LMO7: variants seen among roughly 807,000 people sequenced by gnomAD.
LMO7 encodes LIM domain only protein 7.
A neutral mutation model predicts 206.5 loss-of-function variants in LMO7; 120 were observed. That is an observed-to-expected ratio of 0.58 (90% CI 0.50 to 0.68). LMO7 has a LOEUF of 0.68. Among genes scored for constraint, LMO7 ranks in the 30% least tolerant of loss-of-function variants. The pLI is 0.00. For missense variants in LMO7, 1,959 were observed against 1,957.9 expected (o/e 1.00, Z -0.01); for synonymous variants, 706 against 681.5 (o/e 1.04, Z -0.56).
chr13:75,687,520 A>T (rs576805517), intron 1 of LMO7, among the ~76,000 whole-genome samples: 16 of 151,640 alleles, frequency 1.1e-4, no homozygotes, highest in African/African-American at 3.4e-4. Context: ...AATAAAATAC[A>T]TTTTTTTTCA....
intron 1 of LMO7, among the ~76,000 whole-genome samples, chr13:75,697,832 T>C: frequency 6.6e-6 from 1 of 152,222 alleles, no homozygotes; most frequent in South Asian, 2.1e-4. Context: ...TGTCAGTGTA[T>C]CTACTTTTGA....
chr13:75,698,900 G>T (rs191499118), intron 1 of LMO7, among the ~76,000 whole-genome samples: 4 of 152,104 alleles, frequency 2.6e-5, no homozygotes, highest in South Asian at 2.1e-4. Flanking sequence ...GAATTGCCGA[G>T]CCATCACCAC....
chr13:75,752,500 C>G (rs2047353891), intron 3 of LMO7, among the ~76,000 whole-genome samples: 1 of 152,184 alleles, frequency 6.6e-6, no homozygotes, highest in Non-Finnish European at 1.5e-5. Flanking sequence ...ATATATTACA[C>G]TGTGGTGAAG....
chr13:75,659,409 G>C (rs991170069), intron 1 of LMO7, among the ~76,000 whole-genome samples: 52 of 152,256 alleles, frequency 3.4e-4, no homozygotes, highest in South Asian at 1.2e-3. Context: ...AAACATACCC[G>C]AGACTGGGAA....
Position 75,707,703 on chromosome 13 carries a change from T to C in LMO7, c.70-5479T>C, listed in dbSNP as rs900694759. ...ATGCCAGATTGCCACGTCTTCAAAATATAAGCTATTATTTAAAACCTTTGT... is the reference window on the plus strand; with the variant it reads ...ATGCCAGATTGCCACGTCTTCAAAACATAAGCTATTATTTAAAACCTTTGT... On this transcript the variant is annotated intron_variant, in intron 1 of 30. Coordinates refer to ENST00000377534, the MANE Select transcript of LMO7 (RefSeq NM_001306080.2). 3.9e-5 allele frequency among the ~76,000 whole-genome samples: 6 copies of C among 152,164 alleles called. No homozygotes were observed. In the East Asian group the frequency reaches 5.8e-4, roughly 15 times the overall value.
rs145246784 is a variant in LMO7 at position 75,834,514 on chromosome 13, A to G, written c.3226+127A>G. On this transcript the variant is annotated intron_variant, in intron 17 of 30. Transcript: ENST00000377534. Reference sequence around the variant, plus strand: ...ATGTTTTGGCATTAAAGGTTTTTGTAGTTACGTCATGACAAATCTTGAACC... The same window carrying G: ...ATGTTTTGGCATTAAAGGTTTTTGTGGTTACGTCATGACAAATCTTGAACC... 25 of 676,756 alleles carry G rather than the reference A, an allele frequency of 3.7e-5. No homozygotes were observed. In the Middle Eastern group the frequency reaches 1.2e-3, roughly 32 times the overall value. 41.9% of individuals were successfully genotyped at this position (676,756 alleles called of 1,614,324 possible).
At chr13:75,821,726 A>G in intron 14 of LMO7, 117 bp downstream of exon 14, 1 of 640,414 alleles carries the variant, frequency 1.6e-6, no homozygotes, top group Non-Finnish European at 2.7e-6. Context: ...ATATATAAGG[A>G]CATTTTATTT....
chr13:75,798,200 A>G (rs1322602796), intron 6 of LMO7, among the ~76,000 whole-genome samples: 2 of 152,132 alleles, frequency 1.3e-5, no homozygotes, highest in Non-Finnish European at 2.9e-5. Context: ...GAGAAACCTC[A>G]TCTCTACTAA....
At chr13:75,836,103 T>C (rs1566580762) in intron 18 of LMO7, among the ~76,000 whole-genome samples, 1 of 151,892 alleles carries the variant, frequency 6.6e-6, no homozygotes, top group Non-Finnish European at 1.5e-5. Context: ...TGTGTACTCA[T>C]AAATATAAGC....
intron 2 of LMO7, among the ~76,000 whole-genome samples, chr13:75,715,150 G>T (rs2043431707): frequency 1.3e-5 from 2 of 152,166 alleles, no homozygotes; most frequent in African/African-American, 4.8e-5. Context: ...GTTTGAGAAT[G>T]ACTACCAGGT....
Position 75,807,483 on chromosome 13 carries a change from G to C in LMO7, c.1200G>C (p.Gln400His), listed in dbSNP as rs1356218451. 2.5e-6 allele frequency: 4 copies of C among 1,613,010 alleles called. No individual in the cohort carries two copies. The highest frequency in any genetic ancestry group is 2.2e-5 in the East Asian group (1 of 44,846). ...CTTTTTCCTCTCTGTGCATCAGTCA[G>C]TTTTTACTGCTTCAGGCCCTCCAAA... ...PWYKEFQGFS[Q>H]FLLLQALQTY... is the part of the protein sequence containing the mutation. The change falls in exon 10 of 31, where the codon CAG (glutamine) becomes CAC (histidine). Residue 400 changes from glutamine (Q) to histidine (H), a missense_variant. Physicochemically the swap from Gln to His is conservative, Grantham distance 24. Transcript: ENST00000377534.
At chr13:75,668,473 C>T (rs2039267016) in intron 1 of LMO7, among the ~76,000 whole-genome samples, 1 of 152,108 alleles carries the variant, frequency 6.6e-6, no homozygotes, top group South Asian at 2.1e-4. Flanking sequence ...GAACTCTGTC[C>T]TCTTATTTCT....
Position 75,834,400 on chromosome 13 carries a change from T to C in LMO7, c.3226+13T>C, listed in dbSNP as rs2058945332. ...TATGGAAAGGCTGGTGAGTTTGTGTTACCACCATGTCTGGCATTTGAAACT... is the reference window on the plus strand; with the variant it reads ...TATGGAAAGGCTGGTGAGTTTGTGTCACCACCATGTCTGGCATTTGAAACT... On this transcript the variant is annotated intron_variant, in intron 17 of 30. Transcript: ENST00000377534. 24 of 1,561,008 alleles carry C rather than the reference T, an allele frequency of 1.5e-5. No homozygotes were observed. The highest frequency in any genetic ancestry group is 2.1e-5 in the Non-Finnish European group (24 of 1,152,888).
At chr13:75,660,095 G>C (rs1038210504) in intron 1 of LMO7, among the ~76,000 whole-genome samples, 1 of 152,144 alleles carries the variant, frequency 6.6e-6, no homozygotes, top group Non-Finnish European at 1.5e-5. Flanking sequence ...TAATGTTCTT[G>C]TAAAACAACT....
At chr13:75,742,211 TAGATAAATC>T (rs1453614713) in intron 3 of LMO7, among the ~76,000 whole-genome samples, 1 of 151,870 alleles carries the variant, frequency 6.6e-6, no homozygotes, top group African/African-American at 2.4e-5. Context: ...AAACACTGCT[TAGATAAATC>T]AGAGAAATCA....
chr13:75,855,381 C>G lies in LMO7; in HGVS notation c.4770+13C>G, dbSNP rs141808659. 2,876 of 1,561,022 alleles carry G rather than the reference C, an allele frequency of 1.8e-3. 59 individuals carry two copies. The Admixed American group carries it at 0.039, about 21-fold the overall frequency. ...GCATTGTTTTAAGGTGAGACTGAGA[C>G]AAACAGCTTGCAGGCCTGCAAAGCT... On this transcript the variant is annotated intron_variant, in intron 29 of 30. Transcript: ENST00000377534.
chr13:75,729,806 A>G (rs1365824336), intron 3 of LMO7, among the ~76,000 whole-genome samples: 1 of 150,550 alleles, frequency 6.6e-6, no homozygotes, highest in African/African-American at 2.5e-5. Context: ...TGTCCCATCA[A>G]TACCTAATTT....
At chr13:75,778,212 A>T (rs1165432710) in intron 4 of LMO7, among the ~76,000 whole-genome samples, 1 of 151,878 alleles carries the variant, frequency 6.6e-6, no homozygotes, top group Non-Finnish European at 1.5e-5. Context: ...TGGACTCAAG[A>T]TCTGTGGTTT....
intron 11 of LMO7, among the ~76,000 whole-genome samples, chr13:75,815,994 G>T (rs1217949170): frequency 6.6e-6 from 1 of 152,164 alleles, no homozygotes; most frequent in Non-Finnish European, 1.5e-5. Context: ...ATCCCTTCTA[G>T]ATATTATTTT....
Sources: gnomAD v4.1 joint callset for allele counts (sites outside exome capture counted in the v4.1 genomes callset) on GRCh38, gnomAD v4.1.1 for gene constraint, MANE v1.5 for transcripts, NCBI Gene and HGNC (gene_info 2026-07-23, HGNC 2026-07-21) for gene names.